Variants in SLC1A3 observed in about 807,000 individuals in gnomAD.
The protein encoded by SLC1A3 is excitatory amino acid transporter 1.
Under a neutral mutation model 48.1 loss-of-function variants are expected in SLC1A3, and 21 were observed. The ratio of observed to expected loss-of-function variants is 0.44; its 90% CI spans 0.31 to 0.63. SLC1A3 has a LOEUF of 0.63. Ranked by LOEUF, SLC1A3 falls within the 20% of genes least tolerant of loss-of-function variation. SLC1A3 has a pLI of 0.08. For synonymous variants in SLC1A3, 239 were observed against 251.4 expected (o/e 0.95, Z 0.47); for missense variants, 546 against 689.0 (o/e 0.79, Z 2.32).
At chr5:36,673,070 A>C (rs1481769756) in intron 4 of SLC1A3, among the ~76,000 whole-genome samples, 1 of 152,184 alleles carries the variant, frequency 6.6e-6, no homozygotes, top group African/African-American at 2.4e-5. Flanking sequence ...CTTGGTTTGA[A>C]CATTTATCCT....
rs56038114 is a variant in SLC1A3 at position 36,683,699 on chromosome 5, T to C, written c.1290-165T>C. ...CTCCAGCCTGGGCAACAGAGTGAGATACTGTTTCAAAAAAAAAAAAAATCT... is the reference window on the plus strand; with the variant it reads ...CTCCAGCCTGGGCAACAGAGTGAGACACTGTTTCAAAAAAAAAAAAAATCT... On this transcript the variant is annotated intron_variant, in intron 8 of 9. Transcript: ENST00000265113. Among the ~76,000 whole-genome samples the C allele has an allele frequency of 0.5, 63,676 of 126,634 alleles. 16,486 individuals carry two copies. Among genetic ancestry groups the C allele is most frequent in the Non-Finnish European group, 0.6 (39,058 of 64,684 alleles). The allele number at this position is 126,634 out of a possible 152,430, so 83.1% of individuals were successfully genotyped here. A position where few individuals can be genotyped will look rare whatever the true frequency, so the allele number is the denominator to read the frequency against.
At chr5:36,676,801 CAG>C in intron 5 of SLC1A3, 89 bp from the exon 6 acceptor site, 2 of 951,260 alleles carry the variant, frequency 2.1e-6, no homozygotes, top group Non-Finnish European at 3.2e-6. Context: ...AACAGAGTAA[CAG>C]TAATCATTTT....
intron 2 of SLC1A3, among the ~76,000 whole-genome samples, chr5:36,629,052 T>TTA (rs1296759582): frequency 6.6e-6 from 1 of 152,250 alleles, no homozygotes; most frequent in Non-Finnish European, 1.5e-5. Context: ...ACATCTGTTG[T>TTA]TATAAAGGAA....
At chr5:36,674,868 C>T (rs1314338216) in intron 5 of SLC1A3, among the ~76,000 whole-genome samples, 1 of 152,168 alleles carries the variant, frequency 6.6e-6, no homozygotes, top group Non-Finnish European at 1.5e-5. Context: ...AGGTCCAGCT[C>T]CTTTTAGCTC....
At chr5:36,616,227 G>C (rs760113016) in intron 2 of SLC1A3, among the ~76,000 whole-genome samples, 2 of 152,154 alleles carry the variant, frequency 1.3e-5, no homozygotes, top group Non-Finnish European at 2.9e-5. Flanking sequence ...TCAAGCTTCA[G>C]TGCTATCAAG....
At chr5:36,620,557 T>C (rs565810697) in intron 2 of SLC1A3, among the ~76,000 whole-genome samples, 88 of 152,320 alleles carry the variant, frequency 5.8e-4, no homozygotes, top group African/African-American at 1.9e-3. Context: ...ATTCAGAAAG[T>C]GTGCTCAGCA....
At chr5:36,651,059 T>G (rs1409249295) in intron 3 of SLC1A3, among the ~76,000 whole-genome samples, 1 of 150,794 alleles carries the variant, frequency 6.6e-6, no homozygotes, top group Non-Finnish European at 1.5e-5. Flanking sequence ...ACAAATGTAT[T>G]CCTGGTAAAA....
intron 2 of SLC1A3, among the ~76,000 whole-genome samples, chr5:36,610,736 T>A (rs1179282116): frequency 3.3e-5 from 5 of 152,242 alleles, no homozygotes; most frequent in Non-Finnish European, 7.3e-5. Flanking sequence ...AGTTCTGGGA[T>A]CATTCCTCAC....
chr5:36,673,174 G>C (rs1742066328), intron 4 of SLC1A3, among the ~76,000 whole-genome samples: 1 of 152,186 alleles, frequency 6.6e-6, no homozygotes, highest in East Asian at 1.9e-4. Context: ...GATCTAGTAG[G>C]AAGAAAGGGA....
At chr5:36,632,706 CT>C (rs1350715329) in intron 3 of SLC1A3, among the ~76,000 whole-genome samples, 2 of 152,200 alleles carry the variant, frequency 1.3e-5, no homozygotes, top group African/African-American at 4.8e-5. Context: ...TATTGTGTTT[CT>C]TGGACTAAGC....
chr5:36,657,884 C>T (rs989715831), intron 3 of SLC1A3, among the ~76,000 whole-genome samples: 6 of 152,208 alleles, frequency 3.9e-5, no homozygotes, highest in Admixed American at 1.3e-4. Flanking sequence ...CTGTACTCTG[C>T]GCTGACCGCA....
intron 3 of SLC1A3, among the ~76,000 whole-genome samples, chr5:36,653,450 C>T (rs1741165734): frequency 6.6e-6 from 1 of 152,212 alleles, no homozygotes; most frequent in African/African-American, 2.4e-5. Flanking sequence ...GACAACACCA[C>T]TACTAAATTC....
At chr5:36,614,118 CAG>C (rs757107054) in intron 2 of SLC1A3, among the ~76,000 whole-genome samples, 3 of 152,210 alleles carry the variant, frequency 2.0e-5, no homozygotes, top group Non-Finnish European at 4.4e-5. Flanking sequence ...ATGTATAAAA[CAG>C]AATAATTATA....
At chr5:36,640,108 G>A (rs780313521) in intron 3 of SLC1A3, among the ~76,000 whole-genome samples, 4 of 152,192 alleles carry the variant, frequency 2.6e-5, no homozygotes, top group Non-Finnish European at 5.9e-5. Context: ...GCCTCCAGAG[G>A]ACAGTTCTGT....
chr5:36,615,147 A>T (rs1390034083), intron 2 of SLC1A3, among the ~76,000 whole-genome samples: 2 of 152,168 alleles, frequency 1.3e-5, no homozygotes, highest in Non-Finnish European at 2.9e-5. Flanking sequence ...AATGTCTGGG[A>T]CGCAGCTAAG....
intron 3 of SLC1A3, among the ~76,000 whole-genome samples, chr5:36,652,307 C>A (rs13168598): frequency 0.34 from 47,081 of 138,900 alleles, 8,162 homozygotes; most frequent in Non-Finnish European, 0.43. Context: ...CTCCAAGTGG[C>A]GTGAGCGCAC....
chr5:36,636,737 A>T (rs7734056), intron 3 of SLC1A3, among the ~76,000 whole-genome samples: 18,710 of 151,552 alleles, frequency 0.12, 1,410 homozygotes, highest in Non-Finnish European at 0.17. Flanking sequence ...CACAAATGGG[A>T]AGTAAAGGAG....
rs781616140 is a variant in SLC1A3 at position 36,677,012 on chromosome 5, G to A, written c.688G>A (p.Glu230Lys). Residue 230 changes from glutamate (E) to lysine (K), a missense_variant, in exon 6 of 10, where the codon GAG becomes AAG. This residue lies in a region of SLC1A3 where 348 missense variants were observed against 392.0 expected (regional missense o/e 0.89). Transcript: ENST00000265113. ...AMETLTRITEELVPVPGSVNG... is the reference protein window; with the variant it reads ...AMETLTRITEKLVPVPGSVNG... ...GGAGACTCTTACCCGAATCACAGAGGAGCTGGTCCCAGTTCCAGGATCTGT... is the reference window on the plus strand; with the variant it reads ...GGAGACTCTTACCCGAATCACAGAGAAGCTGGTCCCAGTTCCAGGATCTGT... 4.3e-6 allele frequency: 7 copies of A among 1,613,982 alleles called. No individual in the cohort carries two copies. The Admixed American group carries it at 1.0e-4, about 23-fold the overall frequency.
chr5:36,611,187 A>G (rs985892626), intron 2 of SLC1A3, among the ~76,000 whole-genome samples: 4 of 151,942 alleles, frequency 2.6e-5, no homozygotes, highest in African/African-American at 9.7e-5. Flanking sequence ...CTAGCAAGGA[A>G]GAAGGAGATA....
Sources: gnomAD v4.1 joint callset for allele counts (sites outside exome capture counted in the v4.1 genomes callset) on GRCh38, gnomAD v4.1.1 for gene constraint, gnomAD v4.1.1 regional missense constraint, MANE v1.5 for transcripts, NCBI Gene and HGNC (gene_info 2026-07-23, HGNC 2026-07-21) for gene names.